The following ZNF562 variants were observed in gnomAD, a reference collection of about 807,000 sequenced individuals.
ZNF562 encodes zinc finger protein 562.
ZNF562 carries 13 observed loss-of-function variants against 17.5 expected under a neutral mutation model. The observed-to-expected ratio is 0.74, with a 90% confidence interval of 0.48 to 1.18. The LOEUF (loss-of-function observed/expected upper bound fraction) is 1.18, where lower values mean the gene tolerates loss of function less well. Among genes scored for constraint, ZNF562 ranks in the 50% most tolerant of loss-of-function variants. The pLI, the probability that ZNF562 is intolerant of heterozygous loss-of-function variation, is 0.00. For synonymous variants in ZNF562, 163 were observed against 165.4 expected (o/e 0.99, Z 0.11); for missense variants, 481 against 498.5 (o/e 0.96, Z 0.33).
rs200821558 is a variant in ZNF562, at chr19:9,653,651, C to G, written c.579G>C (p.Val193=). 6 of 1,613,878 alleles carry G rather than the reference C, an allele frequency of 3.7e-6. No individual in the cohort carries two copies. Among genetic ancestry groups the G allele is most frequent in the East Asian group, 2.2e-5 (1 of 44,884 alleles). ...KVFTLTPGLA[V]HLEILNGRQP... ...GTCTTCCATTGAGAATTTCAAGATG[C>G]ACAGCAAGGCCTGGAGTTAAGGTGA... The change falls in exon 6 of 6, where the codon GTG becomes GTC. Residue 193 remains valine (V), a synonymous_variant. Coordinates refer to ENST00000453372, the MANE Select transcript of ZNF562 (RefSeq NM_001130031.2).
At position 9,656,352 on chromosome 19, in the gene ZNF562, A is replaced by G. The variant is rs144137751; in HGVS notation, c.348+195T>C. Among the ~76,000 whole-genome samples, 400 of 151,984 alleles carry G rather than the reference A, an allele frequency of 2.6e-3. 2 individuals are homozygous for G. Among genetic ancestry groups the G allele is most frequent in the African/African-American group, 9.2e-3 (380 of 41,476 alleles). ...GTGAAACCCTGTCTCTACTATAAAT[A>G]CAATAAATTAGCTGGGCATGGTGGT... On this transcript the variant is annotated intron_variant, in intron 5 of 5. Transcript: ENST00000453372.
In ZNF562 at chr19:9,653,830, A is replaced by C. The variant is rs1249244422; in HGVS notation, c.400T>G (p.Phe134Val). ...GTCTTAAGGCAAAACTGTTCACTGA[A>C]GACCTCTCCACAATTCTCACAGAGT... Reference protein sequence around the residue: ...WKLCENCGEVFSEQFCLKTHM... With the variant: ...WKLCENCGEVVSEQFCLKTHM... Residue 134 changes from phenylalanine to valine, a missense_variant, in exon 6 of 6, where the codon TTC becomes GTC. By Grantham distance (50) the Phe-to-Val change is conservative. Around this residue, in one of 2 missense-constraint regions of ZNF562, gnomAD observed 403 missense variants for 386.4 expected, o/e 1.04. Transcript: ENST00000453372. 1.8e-5 allele frequency: 29 copies of C among 1,609,776 alleles called. No individual in the cohort carries two copies. Among genetic ancestry groups the C allele is most frequent in the Non-Finnish European group, 2.4e-5 (28 of 1,178,002 alleles).
At chr19:9,673,165 T>G (rs2044262980) in intron 1 of ZNF562, among the ~76,000 whole-genome samples, 1 of 152,010 alleles carries the variant, frequency 6.6e-6, no homozygotes, top group African/African-American at 2.4e-5. Context: ...CCTTCCTTAT[T>G]TGGGGAAAAT....
Position 9,643,550 on chromosome 19 carries a change from C to T in ZNF562, c.*9399G>A, listed in dbSNP as rs1303017088. The T allele has an allele frequency of 2.0e-5, 3 of 151,240 alleles. No individual in the cohort carries two copies. The highest frequency in any genetic ancestry group is 4.4e-5 in the Non-Finnish European group (3 of 67,884). The allele number at this position is 151,240 out of a possible 1,614,324, so 9.4% of individuals were successfully genotyped here. On this transcript the variant is annotated 3_prime_UTR_variant, in exon 6 of 6. Coordinates refer to ENST00000453372, the MANE Select transcript of ZNF562 (RefSeq NM_001130031.2). ...TTATCAAGCAGTTGGAATTTATTTG[C>T]TAATCCGTTCCTTCCTAGCTTCCTT... is the stretch of plus-strand genomic sequence containing the variant.
chr19:9,670,751 G>C (rs2044163620), intron 1 of ZNF562, among the ~76,000 whole-genome samples: 1 of 152,154 alleles, frequency 6.6e-6, no homozygotes, highest in Admixed American at 6.5e-5. Flanking sequence ...CACTTTAGGA[G>C]GCCAAGGCGG....
chr19:9,653,707 G>T lies in ZNF562; in HGVS notation c.523C>A (p.Leu175Ile), dbSNP rs1184383513. The change falls in exon 6 of 6, where the codon CTT (leucine) becomes ATT (isoleucine). Residue 175 changes from leucine to isoleucine, a missense_variant. Leu to Ile is a conservative substitution (Grantham distance 5). Coordinates refer to ENST00000453372, the MANE Select transcript of ZNF562 (RefSeq NM_001130031.2). ...VHKEASIGQE[L>I]SKFNPCGKVF... is the part of the protein sequence containing the mutation. The stretch of plus-strand genomic sequence containing the variant: ...TTTCCACATGGATTAAATTTGGAAA[G>T]TTCTTGTCCAATAGAGGCTTCCTTG... 2.5e-6 allele frequency: 4 copies of T among 1,614,084 alleles called. No individual in the cohort carries two copies. Among genetic ancestry groups the T allele is most frequent in the South Asian group, 1.1e-5 (1 of 91,078 alleles).
chr19:9,658,742 G>T (rs1257429939), intron 3 of ZNF562, among the ~76,000 whole-genome samples: 2 of 151,550 alleles, frequency 1.3e-5, no homozygotes, highest in Non-Finnish European at 2.9e-5. Context: ...TTTTTGATTA[G>T]AACAGTACTT....
intron 5 of ZNF562, among the ~76,000 whole-genome samples, chr19:9,656,343 A>G (rs1267407663): frequency 2.0e-5 from 3 of 152,186 alleles, no homozygotes; most frequent in Non-Finnish European, 4.4e-5. Flanking sequence ...CCCTGTCTCT[A>G]CTATAAATAC....
intron 4 of ZNF562, 86 bp from the exon 5 acceptor site, chr19:9,656,739 C>T: frequency 7.1e-7 from 1 of 1,405,990 alleles, no homozygotes; most frequent in Non-Finnish European, 1.0e-6. Flanking sequence ...AAATAAAAGC[C>T]ACAGGCCAGG....
At chr19:9,655,655 A>G (rs1265490007) in intron 5 of ZNF562, among the ~76,000 whole-genome samples, 1 of 148,058 alleles carries the variant, frequency 6.8e-6, no homozygotes, top group Non-Finnish European at 1.5e-5. Context: ...GCTAACCTCA[A>G]GTGATCCACA....
chr19:9,650,390 A>G lies in ZNF562; in HGVS notation c.*2559T>C, dbSNP rs545795529. On this transcript the variant is annotated 3_prime_UTR_variant, in exon 6 of 6. Coordinates refer to ENST00000453372, the MANE Select transcript of ZNF562 (RefSeq NM_001130031.2). ...TACATACATATGTGTATATATATGT[A>G]TATATATATACACATACACACACAC... 5 of 145,724 alleles carry G rather than the reference A, an allele frequency of 3.4e-5. No individual in the cohort carries two copies. The highest frequency in any genetic ancestry group is 3.9e-4 in the East Asian group (2 of 5,086). 9.0% of individuals were successfully genotyped at this position (145,724 alleles called of 1,614,324 possible).
intron 1 of ZNF562, among the ~76,000 whole-genome samples, chr19:9,664,174 T>C (rs1422442641): frequency 6.6e-6 from 1 of 152,214 alleles, no homozygotes; most frequent in Admixed American, 6.5e-5. Flanking sequence ...GTTTAAGCTA[T>C]TCTCCTGCCT....
At chr19:9,673,614 G>A (rs2044285024) in intron 1 of ZNF562, among the ~76,000 whole-genome samples, 1 of 151,980 alleles carries the variant, frequency 6.6e-6, no homozygotes. Context: ...TAAGTAGAAA[G>A]GCTTGCAGCT....
rs1427106730 is a variant in ZNF562 at position 9,653,558 on chromosome 19, TC to T, written c.671del (p.Gly224GlufsTer24). On this transcript the variant is annotated frameshift_variant, in exon 6 of 6. Transcript: ENST00000453372. LOFTEE classifies it low-confidence loss of function (END_TRUNC). ...KYFASLDNHM[G>X]IHIGEKLCEF... ...CACAGAGTTTCTCTCCAATGTGGAT[TC>T]CCATGTGATTATCAAGGCTTGCAAA... The T allele has an allele frequency of 1.2e-6, 2 of 1,614,064 alleles. No individual in the cohort carries two copies. The highest frequency in any genetic ancestry group is 2.7e-5 in the African/African-American group (2 of 74,936).
At chr19:9,671,762 G>A (rs745924127) in intron 1 of ZNF562, among the ~76,000 whole-genome samples, 2 of 152,232 alleles carry the variant, frequency 1.3e-5, no homozygotes, top group African/African-American at 2.4e-5. Context: ...AAGATGTAGA[G>A]TACAGCCCTC....
Position 9,649,937 on chromosome 19 carries a change from C to T in ZNF562, c.*3012G>A, listed in dbSNP as rs534843325. The T allele has an allele frequency of 2.0e-5, 3 of 152,254 alleles. No homozygotes were observed. Among genetic ancestry groups the T allele is most frequent in the South Asian group, 2.1e-4 (1 of 4,812 alleles). 9.4% of individuals were successfully genotyped at this position (152,254 alleles called of 1,614,324 possible). ...ACCTACCGACATGTGATGTCTGCCC[C>T]GGACACCCAGCTTTAAAATTTCTCT... is the stretch of plus-strand genomic sequence containing the variant. On this transcript the variant is annotated 3_prime_UTR_variant, in exon 6 of 6. Transcript: ENST00000453372.
Position 9,651,576 on chromosome 19 carries a change from G to A in ZNF562, c.*1373C>T, listed in dbSNP as rs1297127516. ...CTGGAGGCTGCTGGTTTACCAGAAT[G>A]AGGGCAAGCAACACCTGGCCCACCC... On this transcript the variant is annotated 3_prime_UTR_variant, in exon 6 of 6. Transcript: ENST00000453372. 6.6e-6 allele frequency: 1 copy of A among 152,240 alleles called. No individual in the cohort carries two copies. Among genetic ancestry groups the A allele is most frequent in the African/African-American group, 2.4e-5 (1 of 41,456 alleles). The allele number at this position is 152,240 out of a possible 1,614,324, so 9.4% of individuals were successfully genotyped here.
chr19:9,669,822 G>A (rs1756861541), intron 1 of ZNF562, among the ~76,000 whole-genome samples: 1 of 150,976 alleles, frequency 6.6e-6, no homozygotes, highest in Non-Finnish European at 1.5e-5. Context: ...AGCTCTTTAG[G>A]AGGCCAAGGC....
At chr19:9,661,810 A>C (rs1210767450) in intron 1 of ZNF562, among the ~76,000 whole-genome samples, 2 of 152,052 alleles carry the variant, frequency 1.3e-5, no homozygotes, top group Non-Finnish European at 2.9e-5. Context: ...ACAACAACAA[A>C]AAAGAAATGT....
Sources: gnomAD v4.1 joint callset for allele counts (sites outside exome capture counted in the v4.1 genomes callset) on GRCh38, gnomAD v4.1.1 for gene constraint, gnomAD v4.1.1 regional missense constraint, MANE v1.5 for transcripts, NCBI Gene and HGNC (gene_info 2026-07-23, HGNC 2026-07-21) for gene names.